The following CCSER1 variants were observed in gnomAD, a reference collection of about 807,000 sequenced individuals.
CCSER1 encodes the protein coiled-coil serine rich protein 1.
In CCSER1, 41 loss-of-function variants were observed where a neutral mutation model predicts 82.0. The ratio of observed to expected loss-of-function variants is 0.50; its 90% CI spans 0.39 to 0.65. CCSER1 has a LOEUF of 0.65. Ranked by LOEUF, CCSER1 falls within the 30% of genes least tolerant of loss-of-function variation. The probability of loss-of-function intolerance (pLI) is 0.00; values close to 1 mark genes in which losing one functional copy is unlikely to be tolerated. For synonymous variants in CCSER1, 414 were observed against 383.9 expected (o/e 1.08, Z -0.92); for missense variants, 1,119 against 1,064.2 (o/e 1.05, Z -0.72).
chr4:91,468,237 C>G (rs1421765595), intron 10 of CCSER1, among the ~76,000 whole-genome samples: 1 of 152,030 alleles, frequency 6.6e-6, no homozygotes, highest in Non-Finnish European at 1.5e-5. Context: ...TCATTCTTGG[C>G]AAACTATCGC....
At chr4:91,593,991 T>C (rs925626615) in intron 10 of CCSER1, among the ~76,000 whole-genome samples, 1 of 152,168 alleles carries the variant, frequency 6.6e-6, no homozygotes, top group South Asian at 2.1e-4. Context: ...GAACTTATTA[T>C]AATGTGCACA....
intron 7 of CCSER1, among the ~76,000 whole-genome samples, chr4:90,731,059 T>C (rs965780889): frequency 2.6e-5 from 4 of 152,182 alleles, no homozygotes; most frequent in African/African-American, 9.7e-5. Flanking sequence ...AAGGCTCCTA[T>C]AGTTGAAAGA....
intron 10 of CCSER1, among the ~76,000 whole-genome samples, chr4:91,349,037 T>C (rs531675975): frequency 3.9e-5 from 6 of 152,166 alleles, no homozygotes; most frequent in Non-Finnish European, 7.4e-5. Context: ...GCCTCCCAAG[T>C]AGGTGGGACT....
intron 10 of CCSER1, among the ~76,000 whole-genome samples, chr4:91,594,360 T>C (rs1017710348): frequency 1.2e-3 from 177 of 146,224 alleles, no homozygotes; most frequent in African/African-American, 4.2e-3. Flanking sequence ...TATATACACA[T>C]ATATATACAC....
intron 5 of CCSER1, among the ~76,000 whole-genome samples, chr4:90,585,717 G>A (rs953594411): frequency 1.3e-5 from 2 of 152,054 alleles, no homozygotes; most frequent in African/African-American, 4.8e-5. Context: ...TAACATACGG[G>A]TGTGTGACTA....
chr4:91,379,486 T>G (rs1578313281), intron 10 of CCSER1, among the ~76,000 whole-genome samples: 1 of 152,118 alleles, frequency 6.6e-6, no homozygotes, highest in Non-Finnish European at 1.5e-5. Context: ...CTTGGGAGGG[T>G]GTATGTGTCC....
chr4:91,198,067 A>G (rs1415120908), intron 10 of CCSER1, among the ~76,000 whole-genome samples: 1 of 152,198 alleles, frequency 6.6e-6, no homozygotes, highest in Admixed American at 6.5e-5. Flanking sequence ...AATTCAAGCC[A>G]TTACTTTTAA....
chr4:90,691,590 A>G (rs1329504979), intron 6 of CCSER1, among the ~76,000 whole-genome samples: 3 of 108,614 alleles, frequency 2.8e-5, no homozygotes, highest in African/African-American at 5.8e-5. Flanking sequence ...GCATGTGAAT[A>G]TATCACATGT....
chr4:90,927,780 TA>T (rs904516122), intron 9 of CCSER1, among the ~76,000 whole-genome samples: 23 of 152,212 alleles, frequency 1.5e-4, no homozygotes, highest in South Asian at 1.0e-3. Flanking sequence ...CAGATAGTCC[TA>T]AAAAATATGA....
intron 8 of CCSER1, among the ~76,000 whole-genome samples, chr4:90,837,779 T>C (rs1426437438): frequency 6.6e-6 from 1 of 152,146 alleles, no homozygotes; most frequent in Non-Finnish European, 1.5e-5. Context: ...ATATTTGGAT[T>C]GCAGGTCTGG....
intron 10 of CCSER1, among the ~76,000 whole-genome samples, chr4:91,161,049 C>A (rs777768015): frequency 6.6e-6 from 1 of 152,018 alleles, no homozygotes; most frequent in African/African-American, 2.4e-5. Context: ...TAACATTTAA[C>A]TCTTTAATCC....
At chr4:91,162,552 T>C (rs1488129206) in intron 10 of CCSER1, among the ~76,000 whole-genome samples, 1 of 152,288 alleles carries the variant, frequency 6.6e-6, no homozygotes, top group East Asian at 1.9e-4. Context: ...TGTGAATCCG[T>C]CTGGTCCCGG....
At chr4:91,493,825 T>A (rs11734211) in intron 10 of CCSER1, among the ~76,000 whole-genome samples, 99,349 of 151,046 alleles carry the variant, frequency 0.66, 33,328 homozygotes, top group Middle Eastern at 0.74. Flanking sequence ...TAATTTTTTT[T>A]AAAAAAAGTT....
At position 90,999,126 on chromosome 4, in the gene CCSER1, C is replaced by T. The variant is rs115765834; in HGVS notation, c.2172+75679C>T. 4.9e-4 allele frequency among the ~76,000 whole-genome samples: 75 copies of T among 152,266 alleles called. 1 individual carries two copies. The highest frequency in any genetic ancestry group is 1.7e-3 in the African/African-American group (72 of 41,548). ...ATGTATCATATTTTCTTTATCCAGG[C>T]CATCGTTGTTGGACATCTAAGTTGA... On this transcript the variant is annotated intron_variant, in intron 9 of 10. Coordinates refer to ENST00000509176, the MANE Select transcript of CCSER1 (RefSeq NM_001145065.2).
chr4:90,292,159 T>C (rs1264499908), intron 1 of CCSER1, among the ~76,000 whole-genome samples: 1 of 151,970 alleles, frequency 6.6e-6, no homozygotes, highest in African/African-American at 2.4e-5. Flanking sequence ...ATTTTGCTCT[T>C]TTTTTCCTCT....
chr4:91,215,078 C>A (rs1415435037), intron 10 of CCSER1, among the ~76,000 whole-genome samples: 1 of 151,934 alleles, frequency 6.6e-6, no homozygotes, highest in African/African-American at 2.4e-5. Flanking sequence ...TAAAGGGTAT[C>A]CAGTGTACTT....
At chr4:90,298,581 A>AT (rs1205089778) in intron 1 of CCSER1, among the ~76,000 whole-genome samples, 1 of 151,484 alleles carries the variant, frequency 6.6e-6, no homozygotes, top group African/African-American at 2.4e-5. Flanking sequence ...TTTAATTGTG[A>AT]TGTTAGGGTG....
intron 10 of CCSER1, among the ~76,000 whole-genome samples, chr4:91,173,216 A>AAAAC (rs1732949935): frequency 6.6e-6 from 1 of 152,236 alleles, no homozygotes; most frequent in South Asian, 2.1e-4. Flanking sequence ...TCTTTAAAAC[A>AAAAC]ATAGAGCAAA....
intron 1 of CCSER1, among the ~76,000 whole-genome samples, chr4:90,179,602 C>T (rs942713376): frequency 3.3e-5 from 5 of 152,126 alleles, no homozygotes; most frequent in African/African-American, 1.2e-4. Flanking sequence ...AGGCTGGTCT[C>T]AAACTTCTGG....
Sources: gnomAD v4.1 joint callset for allele counts (sites outside exome capture counted in the v4.1 genomes callset) on GRCh38, gnomAD v4.1.1 for gene constraint, MANE v1.5 for transcripts, NCBI Gene and HGNC (gene_info 2026-07-23, HGNC 2026-07-21) for gene names.